Variants in KCNH1 observed in about 807,000 individuals in gnomAD.
KCNH1 encodes potassium voltage-gated channel subfamily H member 1.
In KCNH1, 27 loss-of-function variants were observed where a neutral mutation model predicts 69.2. That is an observed-to-expected ratio of 0.39 (90% CI 0.29 to 0.54). The LOEUF (loss-of-function observed/expected upper bound fraction) is 0.54, where lower values mean the gene tolerates loss of function less well. KCNH1 is among the 20% of genes least tolerant of loss of function. The pLI is 0.68. For synonymous variants in KCNH1, 456 were observed against 487.7 expected (o/e 0.93, Z 0.86); for missense variants, 798 against 1,261.6 (o/e 0.63, Z 5.57).
At chr1:210,821,366 G>A (rs926416882) in intron 7 of KCNH1, among the ~76,000 whole-genome samples, 1 of 152,200 alleles carries the variant, frequency 6.6e-6, no homozygotes, top group African/African-American at 2.4e-5. Flanking sequence ...AAAATTCTCT[G>A]TAGAGAATCC....
At chr1:210,781,965 T>C (rs1423240441) in intron 9 of KCNH1, among the ~76,000 whole-genome samples, 1 of 152,168 alleles carries the variant, frequency 6.6e-6, no homozygotes, top group Non-Finnish European at 1.5e-5. Context: ...ATTCGGCTCC[T>C]GTCTCACATC....
At chr1:210,738,302 G>A (rs1682927023) in intron 10 of KCNH1, among the ~76,000 whole-genome samples, 1 of 152,210 alleles carries the variant, frequency 6.6e-6, no homozygotes, top group Non-Finnish European at 1.5e-5. Context: ...GATCCATGAA[G>A]GCAGTGACCG....
intron 4 of KCNH1, among the ~76,000 whole-genome samples, chr1:211,085,031 A>C (rs1277561102): frequency 6.6e-6 from 1 of 152,198 alleles, no homozygotes; most frequent in African/African-American, 2.4e-5. Flanking sequence ...TGTCAAAAGG[A>C]TGCATATCTA....
chr1:210,984,096 T>C (rs1688772678), intron 6 of KCNH1, among the ~76,000 whole-genome samples: 1 of 152,228 alleles, frequency 6.6e-6, no homozygotes, highest in Non-Finnish European at 1.5e-5. Flanking sequence ...TGTATAAGAA[T>C]GCTTGTGATT....
intron 1 of KCNH1, among the ~76,000 whole-genome samples, chr1:211,122,800 G>A (rs1283737776): frequency 6.6e-6 from 1 of 152,102 alleles, no homozygotes; most frequent in African/African-American, 2.4e-5. Flanking sequence ...CACAGAGAGG[G>A]GAACAACACA....
In KCNH1 at chr1:210,803,551, T is replaced by C. The variant is rs78926879; in HGVS notation, c.1662+416A>G. Among the ~76,000 whole-genome samples, 345 of 152,346 alleles carry C rather than the reference T, an allele frequency of 2.3e-3. 1 individual carries two copies. The highest frequency in any genetic ancestry group is 8.0e-3 in the African/African-American group (332 of 41,586). ...AAGGTTAATGCAAAAAAATCCATGA[T>C]GAACAAAATATCAAAAGTTTGAATA... On this transcript the variant is annotated intron_variant, in intron 8 of 10. Coordinates refer to ENST00000271751, the MANE Select transcript of KCNH1 (RefSeq NM_172362.3).
At chr1:210,718,651 TACAC>T (rs57407331) in intron 10 of KCNH1, among the ~76,000 whole-genome samples, 9,204 of 75,452 alleles carry the variant, frequency 0.12, 1,379 homozygotes, top group African/African-American at 0.22. Flanking sequence ...CATATATATA[TACAC>T]ACACACACAC....
chr1:211,005,720 AC>A (rs1336604378), intron 6 of KCNH1, among the ~76,000 whole-genome samples: 2 of 152,178 alleles, frequency 1.3e-5, no homozygotes, highest in African/African-American at 2.4e-5. Flanking sequence ...ACACAAAAGC[AC>A]ATAAATGAAA....
chr1:210,760,706 A>T (rs1574239581), intron 10 of KCNH1, among the ~76,000 whole-genome samples: 1 of 152,218 alleles, frequency 6.6e-6, no homozygotes, highest in East Asian at 1.9e-4. Context: ...CACAAGTCGC[A>T]TCTTACATGG....
intron 6 of KCNH1, among the ~76,000 whole-genome samples, chr1:210,942,339 C>T (rs1466386067): frequency 6.6e-6 from 1 of 152,036 alleles, no homozygotes; most frequent in Non-Finnish European, 1.5e-5. Flanking sequence ...AAGACCAGGC[C>T]CCCTGTGACC....
rs182748908 is a variant in KCNH1, at chr1:210,992,227, A to G, written c.1032+26556T>C. Reference sequence around the variant, plus strand: ...AGAGGATAACCAATATCTGTAATCTATAAGTACAAGCACGTATCTAATAAG... The same window carrying G: ...AGAGGATAACCAATATCTGTAATCTGTAAGTACAAGCACGTATCTAATAAG... On this transcript the variant is annotated intron_variant, in intron 6 of 10. Transcript: ENST00000271751. 5.3e-5 allele frequency among the ~76,000 whole-genome samples: 8 copies of G among 152,336 alleles called. 1 individual carries two copies. The highest frequency in any genetic ancestry group is 4.1e-4 in the South Asian group (2 of 4,824).
intron 7 of KCNH1, among the ~76,000 whole-genome samples, chr1:210,917,053 C>G (rs1172030293): frequency 4.0e-5 from 6 of 151,638 alleles, no homozygotes; most frequent in Non-Finnish European, 8.8e-5. Context: ...GAGGCTAAGG[C>G]AGGAGAATCA....
chr1:211,126,049 C>T (rs1691770894), intron 1 of KCNH1, among the ~76,000 whole-genome samples: 1 of 152,146 alleles, frequency 6.6e-6, no homozygotes, highest in African/African-American at 2.4e-5. Flanking sequence ...TGAAGTTGGC[C>T]AGACTGTGAT....
chr1:211,081,517 A>ACGTACAT (rs1272976011), intron 5 of KCNH1, among the ~76,000 whole-genome samples: 1 of 152,246 alleles, frequency 6.6e-6, no homozygotes, highest in Non-Finnish European at 1.5e-5. Context: ...ACACATGCAC[A>ACGTACAT]CGTACATTTA....
At chr1:210,868,137 T>C (rs992776737) in intron 7 of KCNH1, among the ~76,000 whole-genome samples, 2 of 152,032 alleles carry the variant, frequency 1.3e-5, no homozygotes, top group Admixed American at 6.6e-5. Flanking sequence ...TATATGTAAG[T>C]CTTTTTAATT....
chr1:210,805,643 T>TTTTAAAGTA (rs1362958522), intron 7 of KCNH1, among the ~76,000 whole-genome samples: 1 of 152,188 alleles, frequency 6.6e-6, no homozygotes, highest in East Asian at 1.9e-4. Context: ...AGTACAAAAT[T>TTTTAAAGTA]CAATGGTCTT....
intron 5 of KCNH1, among the ~76,000 whole-genome samples, chr1:211,068,056 G>A (rs1357567207): frequency 6.6e-6 from 1 of 152,224 alleles, no homozygotes; most frequent in Non-Finnish European, 1.5e-5. Flanking sequence ...CTTAGCTCAG[G>A]AAAGAGGAAC....
chr1:210,996,434 G>A (rs1398418005), intron 6 of KCNH1, among the ~76,000 whole-genome samples: 1 of 152,226 alleles, frequency 6.6e-6, no homozygotes, highest in Non-Finnish European at 1.5e-5. Flanking sequence ...CGAGGCTGGG[G>A]GAGGGGCGCC....
intron 6 of KCNH1, among the ~76,000 whole-genome samples, chr1:210,952,026 C>A (rs1688071935): frequency 2.0e-5 from 3 of 152,160 alleles, no homozygotes. Context: ...GTACACAGTC[C>A]TCCAAGTGCC....
Sources: gnomAD v4.1 joint callset for allele counts (sites outside exome capture counted in the v4.1 genomes callset) on GRCh38, gnomAD v4.1.1 for gene constraint, MANE v1.5 for transcripts, NCBI Gene and HGNC (gene_info 2026-07-23, HGNC 2026-07-21) for gene names.